The following PIK3C2G variants were observed in gnomAD, a reference collection of about 807,000 sequenced individuals.
The protein encoded by PIK3C2G is phosphatidylinositol-4-phosphate 3-kinase catalytic subunit type 2 gamma, also known as phosphatidylinositol 3-kinase C2 domain-containing subunit gamma.
In PIK3C2G, 168 loss-of-function variants were observed where a neutral mutation model predicts 181.1. The observed-to-expected ratio is 0.93, with a 90% CI of 0.82 to 1.05. The LOEUF is 1.05. Ranked by LOEUF, PIK3C2G falls within the 50% of genes least tolerant of loss-of-function variation. The pLI is 0.00. For synonymous variants in PIK3C2G, 573 were observed against 592.2 expected (o/e 0.97, Z 0.47); for missense variants, 1,869 against 1,732.8 (o/e 1.08, Z -1.40).
chr12:18,254,114 T>C lies in PIK3C2G; in HGVS notation c.-79+6032T>C, dbSNP rs79433800. On this transcript the variant is annotated intron_variant, in intron 1 of 11. Coordinates refer to the PIK3C2G transcript ENST00000535651. ...TTGAGAATAGAAGAATATATGTTTT[T>C]CTTATTTTATTTTTAAAGAGTTAGA... 4.0e-3 allele frequency among the ~76,000 whole-genome samples: 614 copies of C among 152,194 alleles called. 4 individuals carry two copies. Among genetic ancestry groups the C allele is most frequent in the African/African-American group, 0.014 (584 of 41,572 alleles).
chr12:18,383,782 T>G (rs898379094), intron 14 of PIK3C2G, among the ~76,000 whole-genome samples: 29 of 151,532 alleles, frequency 1.9e-4, no homozygotes, highest in African/African-American at 6.8e-4. Context: ...ATCGGATATG[T>G]GAACACTTGT....
rs747858687 is a variant in PIK3C2G at position 18,321,067 on chromosome 12, C to A, written c.1208+35C>A. 4 of 1,067,356 alleles carry A rather than the reference C, an allele frequency of 3.7e-6. No homozygotes were observed. In the Admixed American group the frequency reaches 6.3e-5, roughly 17 times the overall value. The allele number at this position is 1,067,356 out of a possible 1,614,324, so 66.1% of individuals were successfully genotyped here. A position where few individuals can be genotyped will look rare whatever the true frequency, so the allele number is the denominator to read the frequency against. On this transcript the variant is annotated intron_variant, in intron 7 of 32. Transcript: ENST00000538779. Reference sequence around the variant, plus strand: ...TTTATATTTGTTCCAAGACTACTTTCTGATTGAGTTCTCAAATGTCAAATC... The same window carrying A: ...TTTATATTTGTTCCAAGACTACTTTATGATTGAGTTCTCAAATGTCAAATC...
chr12:18,675,845 T>C, the PIK3C2G span, among the ~76,000 whole-genome samples: 2 of 150,460 alleles, frequency 1.3e-5, no homozygotes, highest in Non-Finnish European at 3.0e-5. Flanking sequence ...AGGTAAATAA[T>C]AGACACTAGG....
At chr12:18,289,268 CA>C (rs918117744) in intron 3 of PIK3C2G, among the ~76,000 whole-genome samples, 4 of 151,480 alleles carry the variant, frequency 2.6e-5, no homozygotes, top group Admixed American at 6.6e-5. Flanking sequence ...CCACATCTTT[CA>C]AAAAAAATGC....
At chr12:18,667,582 A>G in the PIK3C2G span, among the ~76,000 whole-genome samples, 60,386 of 151,924 alleles carry the variant, frequency 0.4, 14,417 homozygotes, top group South Asian at 0.6. Flanking sequence ...TCCTTTCTTC[A>G]TGATCCTTCT....
intron 30 of PIK3C2G, among the ~76,000 whole-genome samples, chr12:18,600,774 T>A (rs1175004480): frequency 6.6e-6 from 1 of 152,046 alleles, no homozygotes; most frequent in East Asian, 1.9e-4. Context: ...AAGATTAAGT[T>A]TGATCAAATA....
intron 18 of PIK3C2G, among the ~76,000 whole-genome samples, chr12:18,469,203 C>T (rs976125690): frequency 6.6e-6 from 1 of 152,022 alleles, no homozygotes; most frequent in Non-Finnish European, 1.5e-5. Flanking sequence ...TCCTCTGTCA[C>T]CCTCAATCTC....
chr12:18,445,626 G>A (rs1946982267), intron 18 of PIK3C2G, among the ~76,000 whole-genome samples: 1 of 151,966 alleles, frequency 6.6e-6, no homozygotes. Flanking sequence ...AATGATGCAT[G>A]TATGATAATA....
chr12:18,503,187 C>T (rs1047637698), intron 22 of PIK3C2G, 94 bp from the exon 23 acceptor site: 2 of 827,364 alleles, frequency 2.4e-6, no homozygotes, highest in South Asian at 4.3e-5. Flanking sequence ...AGGGGTAATC[C>T]AGTAGTGCTG....
At chr12:18,303,362 T>A (rs1426915811) in intron 5 of PIK3C2G, among the ~76,000 whole-genome samples, 2 of 150,812 alleles carry the variant, frequency 1.3e-5, no homozygotes, top group Non-Finnish European at 3.0e-5. Context: ...TCTGACACAG[T>A]CTCACTCTGT....
intron 6 of PIK3C2G, among the ~76,000 whole-genome samples, chr12:18,316,731 AAATAAT>A (rs547385793): frequency 1.3e-5 from 2 of 151,880 alleles, no homozygotes; most frequent in South Asian, 2.1e-4. Flanking sequence ...CTCTGTCTCA[AAATAAT>A]AATAATAATA....
At chr12:18,400,101 G>T (rs1432780418) in intron 16 of PIK3C2G, among the ~76,000 whole-genome samples, 1 of 152,092 alleles carries the variant, frequency 6.6e-6, no homozygotes, top group Non-Finnish European at 1.5e-5. Context: ...AGTTCTTACA[G>T]AAATAATTTA....
intron 31 of PIK3C2G, among the ~76,000 whole-genome samples, chr12:18,625,048 T>G (rs746672421): frequency 2.6e-5 from 4 of 151,676 alleles, no homozygotes; most frequent in Non-Finnish European, 4.4e-5. Flanking sequence ...TGTTCTTTAT[T>G]ATTTCTTCTG....
At chr12:18,596,910 A>T (rs1012016326) in intron 30 of PIK3C2G, among the ~76,000 whole-genome samples, 1 of 152,154 alleles carries the variant, frequency 6.6e-6, no homozygotes, top group African/African-American at 2.4e-5. Context: ...AGAACTATTT[A>T]AAAATAAATA....
intron 18 of PIK3C2G, 150 bp from the exon 19 acceptor site, chr12:18,488,299 G>A (rs571499503): frequency 4.7e-6 from 2 of 422,890 alleles, no homozygotes; most frequent in Admixed American, 4.3e-5. Flanking sequence ...GACTGTCAAT[G>A]AATAAACAAC....
the PIK3C2G span, chr12:18,693,925 G>C: frequency 6.6e-7 from 1 of 1,526,246 alleles, no homozygotes; most frequent in South Asian, 1.1e-5. Flanking sequence ...TGCACGACTT[G>C]ATCATGGCTA....
chr12:18,509,301 GC>G (rs1447143376), intron 24 of PIK3C2G, among the ~76,000 whole-genome samples: 1 of 152,136 alleles, frequency 6.6e-6, no homozygotes, highest in Non-Finnish European at 1.5e-5. Context: ...GCCCGCCTCG[GC>G]CTCTCAAAGT....
chr12:18,567,795 C>A (rs1415277953), intron 29 of PIK3C2G, among the ~76,000 whole-genome samples: 1 of 152,094 alleles, frequency 6.6e-6, no homozygotes, highest in Non-Finnish European at 1.5e-5. Context: ...TGACAAGTTA[C>A]CACACACCTG....
chr12:18,650,740 A>C (rs867173332), downstream of PIK3C2G, among the ~76,000 whole-genome samples: 13 of 32,326 alleles, frequency 4.0e-4, no homozygotes, highest in Non-Finnish European at 6.1e-4. Flanking sequence ...ATATATATAT[A>C]TATATATATA....
Sources: allele counts gnomAD v4.1 joint callset (sites outside exome capture counted in the v4.1 genomes callset), GRCh38; gene constraint gnomAD v4.1.1; transcripts MANE v1.5; gene names NCBI Gene and HGNC (gene_info 2026-07-23, HGNC 2026-07-21).